DYNLL1: variants seen among roughly 807,000 people sequenced by gnomAD.
DYNLL1 encodes dynein light chain LC8-type 1.
Under a neutral mutation model 10.1 loss-of-function variants are expected in DYNLL1, and 3 were observed. The ratio of observed to expected loss-of-function variants is 0.30; its 90% CI spans 0.14 to 0.77. The LOEUF (loss-of-function observed/expected upper bound fraction) is 0.77, where lower values mean the gene tolerates loss of function less well. Among genes scored for constraint, DYNLL1 ranks in the 30% least tolerant of loss-of-function variants. The pLI is 0.66. For missense variants in DYNLL1, 47 were observed against 111.7 expected (o/e 0.42, Z 2.61); for synonymous variants, 46 against 41.2 (o/e 1.12, Z -0.45).
At chr12:120,497,248 T>C (rs1284386468) in intron 2 of DYNLL1, 2 of 153,212 alleles carry the variant, frequency 1.3e-5, no homozygotes, top group Non-Finnish European at 2.9e-5. Flanking sequence ...TAGCTAAATC[T>C]TGTGTGACGC....
chr12:120,471,195 C>T (rs1347397584), intron 1 of DYNLL1, among the ~76,000 whole-genome samples: 1 of 149,518 alleles, frequency 6.7e-6, no homozygotes, highest in Non-Finnish European at 1.5e-5. Context: ...AAGACCCGCC[C>T]CCCTACTAAA....
chr12:120,474,281 C>CAG (rs1555220919), intron 1 of DYNLL1, among the ~76,000 whole-genome samples: 1 of 152,124 alleles, frequency 6.6e-6, no homozygotes, highest in Non-Finnish European at 1.5e-5. Flanking sequence ...GCCTGGGCGA[C>CAG]AGAGTGAGAT....
chr12:120,495,417 T>A (rs1407981823), upstream of DYNLL1: 1 of 152,158 alleles, frequency 6.6e-6, no homozygotes, highest in Non-Finnish European at 1.5e-5. Context: ...GACCCCACTC[T>A]TGGGGATAAT....
intron 1 of DYNLL1, among the ~76,000 whole-genome samples, chr12:120,487,287 T>C (rs1879019005): frequency 9.7e-6 from 1 of 102,812 alleles, no homozygotes; most frequent in African/African-American, 4.1e-5. Flanking sequence ...TTTTTTTTTT[T>C]TTTTTTTTTT....
At chr12:120,474,478 C>T (rs889657892) in intron 1 of DYNLL1, among the ~76,000 whole-genome samples, 1 of 149,720 alleles carries the variant, frequency 6.7e-6, no homozygotes, top group Non-Finnish European at 1.5e-5. Flanking sequence ...AACAACAGCT[C>T]GGGTGATGAG....
intron 2 of DYNLL1, 133 bp from the exon 3 acceptor site, chr12:120,497,940 A>G: frequency 1.2e-6 from 1 of 868,398 alleles, no homozygotes; most frequent in Non-Finnish European, 1.7e-6. Context: ...GAGCTGGGGA[A>G]CATTCTTTCA....
chr12:120,491,647 G>A (rs975733838), upstream of DYNLL1: 5 of 152,382 alleles, frequency 3.3e-5, no homozygotes, highest in Non-Finnish European at 1.5e-5. Context: ...GGTCCTACTT[G>A]TGGATGAGGT....
intron 1 of DYNLL1, among the ~76,000 whole-genome samples, chr12:120,489,896 C>T (rs916958033): frequency 1.1e-4 from 17 of 152,216 alleles, no homozygotes; most frequent in African/African-American, 3.6e-4. Flanking sequence ...TACAGGTGCA[C>T]GCTGCCACGC....
At position 120,496,495 on chromosome 12, in the gene DYNLL1, C is replaced by CT; in HGVS notation, c.75dup (p.Thr26TyrfsTer22). 1 of 1,613,806 alleles carries CT rather than the reference C, an allele frequency of 6.2e-7. No individual in the cohort carries two copies. The highest frequency in any genetic ancestry group is 2.2e-5 in the East Asian group (1 of 44,874). Reference sequence around the variant, plus strand: ...ATGCAACAGGACTCGGTGGAGTGCGCTACTCAGGCGCTGGAGAAATACAAC... The same window carrying CT: ...ATGCAACAGGACTCGGTGGAGTGCGCTTACTCAGGCGCTGGAGAAATACAAC... On this transcript the variant is annotated frameshift_variant, in exon 2 of 3. Transcript: ENST00000242577. LOFTEE classifies it high-confidence loss of function.
At chr12:120,469,878 G>C (rs1175607717) in exon 1 of DYNLL1, 1 of 239,642 alleles carries the variant, frequency 4.2e-6, no homozygotes, top group Non-Finnish European at 8.0e-6. Flanking sequence ...GGGCCGGGCC[G>C]TGTGGATGCC....
intron 1 of DYNLL1, among the ~76,000 whole-genome samples, chr12:120,482,508 G>A (rs1878904327): frequency 6.6e-6 from 1 of 151,786 alleles, no homozygotes; most frequent in African/African-American, 2.4e-5. Context: ...ATTTTTAGTG[G>A]AGATGGGGTT....
intron 1 of DYNLL1, among the ~76,000 whole-genome samples, chr12:120,484,138 A>C (rs1421082566): frequency 1.3e-5 from 2 of 152,084 alleles, no homozygotes; most frequent in Non-Finnish European, 2.9e-5. Flanking sequence ...AGGCAAGGGA[A>C]GCATTTTTAA....
At chr12:120,496,268 C>A in intron 1 of DYNLL1, 52 bp downstream of exon 1, 4 of 1,225,836 alleles carry the variant, frequency 3.3e-6, no homozygotes, top group Non-Finnish European at 3.4e-6. Context: ...TTTCGCCCCA[C>A]TCCGGACTTA....
chr12:120,481,103 CTTA>C (rs1878871472), intron 1 of DYNLL1, among the ~76,000 whole-genome samples: 1 of 152,068 alleles, frequency 6.6e-6, no homozygotes, highest in African/African-American at 2.4e-5. Context: ...GTTTATGATT[CTTA>C]TATTTATTGA....
Position 120,483,564 on chromosome 12 carries a change from T to C in DYNLL1, c.-6-12852T>C, listed in dbSNP as rs190155325. Among the ~76,000 whole-genome samples the C allele has an allele frequency of 2.6e-3, 399 of 151,982 alleles. 4 individuals are homozygous for C. Among genetic ancestry groups the C allele is most frequent in the African/African-American group, 9.2e-3 (380 of 41,424 alleles). ...CAGGATAAGCAGGCAGGTTTGGGAG[T>C]AGAATAGGTCTGTTGTGGATGTGTT... On this transcript the variant is annotated intron_variant, in intron 1 of 2. Coordinates refer to the DYNLL1 transcript ENST00000392509.
chr12:120,496,160 G>T lies in DYNLL1; in HGVS notation c.-63G>T. 3 of 585,028 alleles carry T rather than the reference G, an allele frequency of 5.1e-6. No individual in the cohort carries two copies. The highest frequency in any genetic ancestry group is 6.2e-5 in the Admixed American group (2 of 32,438). 36.2% of individuals were successfully genotyped at this position (585,028 alleles called of 1,614,324 possible). On this transcript the variant is annotated 5_prime_UTR_variant, in exon 1 of 3. Coordinates refer to ENST00000242577, the MANE Select transcript of DYNLL1 (RefSeq NM_003746.3). ...CGACGGTATCTCTAGCCGGGCCTGA[G>T]CTGTGCTAGCACCTCCCCCAGGAGA...
intron 1 of DYNLL1, among the ~76,000 whole-genome samples, chr12:120,471,197 C>G (rs1043357022): frequency 2.0e-5 from 3 of 148,592 alleles, no homozygotes; most frequent in Non-Finnish European, 4.5e-5. Flanking sequence ...GACCCGCCCC[C>G]CTACTAAAAA....
chr12:120,493,357 G>T (rs1319588097), upstream of DYNLL1, among the ~76,000 whole-genome samples: 1 of 151,778 alleles, frequency 6.6e-6, no homozygotes, highest in African/African-American at 2.4e-5. Flanking sequence ...GGCCAACATG[G>T]CAAGACCCTG....
At chr12:120,493,037 C>T (rs947941224), upstream of DYNLL1, among the ~76,000 whole-genome samples, 5 of 152,048 alleles carry the variant, frequency 3.3e-5, no homozygotes, top group Admixed American at 6.6e-5. Context: ...CTTTGCAATC[C>T]GGTCGTGGAC....
Sources: gnomAD v4.1 joint callset for allele counts (sites outside exome capture counted in the v4.1 genomes callset) on GRCh38, gnomAD v4.1.1 for gene constraint, MANE v1.5 for transcripts, NCBI Gene and HGNC (gene_info 2026-07-23, HGNC 2026-07-21) for gene names.